NUMB: variants seen among roughly 807,000 people sequenced by gnomAD.
The protein encoded by NUMB is NUMB endocytic adaptor protein, also known as protein numb homolog.
NUMB carries 29 observed loss-of-function variants against 59.7 expected under a neutral mutation model. The ratio of observed to expected loss-of-function variants is 0.49; its 90% confidence interval spans 0.36 to 0.66. The LOEUF (loss-of-function observed/expected upper bound fraction) is 0.66. NUMB is among the 30% of genes least tolerant of loss of function. NUMB has a pLI of 0.00. For synonymous variants in NUMB, 288 were observed against 288.2 expected (o/e 1.00, Z 0.01); for missense variants, 723 against 822.0 (o/e 0.88, Z 1.47).
chr14:73,358,926 G>A (rs1317463413), intron 3 of NUMB, among the ~76,000 whole-genome samples: 1 of 152,164 alleles, frequency 6.6e-6, no homozygotes, highest in African/African-American at 2.4e-5. Flanking sequence ...TGCTGGAAGA[G>A]ACTGACAGTG....
rs1380024086 is a variant in NUMB at position 73,276,532 on chromosome 14, CT to C, written c.*45del. Reference sequence around the variant, plus strand: ...GTTTTGCTCCTTTGACCGCTACCCCCTGCTCCCTGTCTGGTATGGACAAGAT... The same window carrying C: ...GTTTTGCTCCTTTGACCGCTACCCCCGCTCCCTGTCTGGTATGGACAAGAT... On this transcript the variant is annotated 3_prime_UTR_variant, in exon 13 of 13. Coordinates refer to ENST00000555238, the MANE Select transcript of NUMB (RefSeq NM_001005743.2). 12 of 1,493,232 alleles carry C rather than the reference CT, an allele frequency of 8.0e-6. No homozygotes were observed. The highest frequency in any genetic ancestry group is 1.1e-5 in the Non-Finnish European group (12 of 1,086,056). 92.5% of individuals were successfully genotyped at this position (1,493,232 alleles called of 1,614,324 possible).
At chr14:73,441,746 T>C (rs1275718774) in intron 1 of NUMB, among the ~76,000 whole-genome samples, 1 of 151,772 alleles carries the variant, frequency 6.6e-6, no homozygotes, top group Non-Finnish European at 1.5e-5. Context: ...TAGCTGGGCA[T>C]GGTGGTGCAG....
chr14:73,403,237 T>A (rs1276824981), intron 2 of NUMB, among the ~76,000 whole-genome samples: 1 of 152,200 alleles, frequency 6.6e-6, no homozygotes. Context: ...AAATCACAAA[T>A]TCATAGGCCC....
intron 5 of NUMB, among the ~76,000 whole-genome samples, chr14:73,321,373 T>TA (rs1266391688): frequency 6.6e-6 from 1 of 152,120 alleles, no homozygotes; most frequent in African/African-American, 2.4e-5. Flanking sequence ...TGCATTACTT[T>TA]AAAAAAATGT....
chr14:73,383,852 C>CA (rs1192343753), intron 2 of NUMB, among the ~76,000 whole-genome samples: 3 of 151,760 alleles, frequency 2.0e-5, no homozygotes, highest in Non-Finnish European at 4.4e-5. Flanking sequence ...CCTGTCTCTA[C>CA]AAAAAATACA....
intron 2 of NUMB, among the ~76,000 whole-genome samples, chr14:73,380,927 T>C (rs1895205970): frequency 6.6e-6 from 1 of 152,172 alleles, no homozygotes; most frequent in Admixed American, 6.6e-5. Flanking sequence ...TTCACCATGT[T>C]GACCAGGCTG....
Position 73,355,757 on chromosome 14 carries a change from T to C in NUMB, c.-6A>G, listed in dbSNP as rs1382553063. On this transcript the variant is annotated 5_prime_UTR_variant, in exon 4 of 13. Transcript: ENST00000555238. ...CTTTGCCGTAATTTGTTCATTTTAA[T>C]TTTTACAGCCTGAAGACAGAGGAAA... The C allele has an allele frequency of 6.2e-7, 1 of 1,608,270 alleles. No homozygotes were observed. Among genetic ancestry groups the C allele is most frequent in the Non-Finnish European group, 8.5e-7 (1 of 1,176,232 alleles).
intron 1 of NUMB, among the ~76,000 whole-genome samples, chr14:73,454,957 C>G (rs1435737081): frequency 6.6e-6 from 1 of 152,138 alleles, no homozygotes; most frequent in Non-Finnish European, 1.5e-5. Context: ...GAATAATCCA[C>G]TGAACTCAAT....
At chr14:73,370,993 C>G (rs1475862047) in intron 2 of NUMB, among the ~76,000 whole-genome samples, 1 of 151,186 alleles carries the variant, frequency 6.6e-6, no homozygotes. Context: ...GAGATGGGGT[C>G]TCACTATGTT....
intron 2 of NUMB, among the ~76,000 whole-genome samples, chr14:73,384,203 C>T (rs1895385686): frequency 6.6e-6 from 1 of 151,550 alleles, no homozygotes; most frequent in Non-Finnish European, 1.5e-5. Context: ...ATTCTCCTGC[C>T]TCAGCCTCCT....
At chr14:73,385,483 T>C (rs1895463009) in intron 2 of NUMB, among the ~76,000 whole-genome samples, 4 of 147,302 alleles carry the variant, frequency 2.7e-5, no homozygotes, top group South Asian at 2.1e-4. Context: ...AATAGCTACA[T>C]ATGGCTAGTG....
chr14:73,410,079 C>A lies in NUMB; in HGVS notation c.-232-11G>T, dbSNP rs932752827. On this transcript the variant is annotated splice_polypyrimidine_tract_variant and intron_variant, in intron 1 of 12. Transcript: ENST00000555238. ...GCTTAAGCCTCAAATCTGAAATTTT[C>A]AAGGAAAGAAAATCTTAAATATACA... 6 of 152,162 alleles carry A rather than the reference C, an allele frequency of 3.9e-5. No individual in the cohort carries two copies. Among genetic ancestry groups the A allele is most frequent in the African/African-American group, 7.2e-5 (3 of 41,428 alleles). The allele number at this position is 152,162 out of a possible 1,614,324, so 9.4% of individuals were successfully genotyped here.
Position 73,323,127 on chromosome 14 carries a change from T to A in NUMB, c.201+3A>T, listed in dbSNP as rs1389994242. The A allele has an allele frequency of 6.2e-7, 1 of 1,608,518 alleles. No individual in the cohort carries two copies. Among genetic ancestry groups the A allele is most frequent in the Non-Finnish European group, 8.5e-7 (1 of 1,175,380 alleles). ...TCAACACTGGCAACCATCAAATACA[T>A]ACAGCTTTCAATCTTTTTACAGCAT... On this transcript the variant is annotated splice_donor_region_variant and intron_variant, in intron 5 of 12. Coordinates refer to ENST00000555238, the MANE Select transcript of NUMB (RefSeq NM_001005743.2).
chr14:73,319,549 G>T (rs980410487), intron 5 of NUMB, among the ~76,000 whole-genome samples: 10 of 152,150 alleles, frequency 6.6e-5, no homozygotes, highest in Middle Eastern at 6.8e-3. Context: ...AACTCTAAAA[G>T]GAAGCTTTAT....
rs1566756288 is a variant in NUMB, at chr14:73,352,509, TATATATATATATATATATA to T, written c.126+3098_126+3116del. Among the ~76,000 whole-genome samples, 134 of 17,674 alleles carry T rather than the reference TATATATATATATATATATA, an allele frequency of 7.6e-3. 12 individuals carry two copies. The highest frequency in any genetic ancestry group is 9.1e-3 in the Non-Finnish European group (106 of 11,678). The allele number at this position is 17,674 out of a possible 152,430, so 11.6% of individuals were successfully genotyped here. ...ATATATATATATATATATATATATA[TATATATATATATATATATA>T]TGTTTTTTTTTTTTTTTTTTTTTTG... On this transcript the variant is annotated intron_variant, in intron 4 of 12. Transcript: ENST00000555238.
chr14:73,367,617 C>T (rs1197636969), intron 2 of NUMB, among the ~76,000 whole-genome samples: 1 of 151,460 alleles, frequency 6.6e-6, no homozygotes, highest in African/African-American at 2.4e-5. Context: ...CTACAAAAAA[C>T]TTTAAAAATT....
chr14:73,317,996 A>G (rs919909546), intron 5 of NUMB, among the ~76,000 whole-genome samples: 11 of 152,262 alleles, frequency 7.2e-5, no homozygotes, highest in African/African-American at 2.7e-4. Context: ...TGAAAATCAC[A>G]AACAGCAAAA....
At chr14:73,291,787 G>T (rs879780365) in intron 8 of NUMB, among the ~76,000 whole-genome samples, 1 of 151,546 alleles carries the variant, frequency 6.6e-6, no homozygotes, top group African/African-American at 2.4e-5. Context: ...GGGTTCAAGC[G>T]ATTCTTCTGC....
At chr14:73,414,758 T>C (rs1031177253) in intron 1 of NUMB, among the ~76,000 whole-genome samples, 1 of 152,062 alleles carries the variant, frequency 6.6e-6, no homozygotes, top group African/African-American at 2.4e-5. Context: ...CTCGCTCTGT[T>C]GCCCAGGCTG....
Sources: allele counts gnomAD v4.1 joint callset (sites outside exome capture counted in the v4.1 genomes callset), GRCh38; gene constraint gnomAD v4.1.1; transcripts MANE v1.5; gene names NCBI Gene and HGNC (gene_info 2026-07-23, HGNC 2026-07-21).